NFIB: variants seen among roughly 807,000 people sequenced by gnomAD.
NFIB encodes nuclear factor 1 B-type.
In NFIB, 11 loss-of-function variants were observed where a neutral mutation model predicts 61.5. The observed-to-expected ratio is 0.18, with a 90% CI of 0.11 to 0.30. NFIB has a LOEUF of 0.30. NFIB is among the 10% of genes least tolerant of loss of function. NFIB has a pLI of 1.00. For missense variants in NFIB, 471 were observed against 608.9 expected, an observed-to-expected ratio of 0.77 and a Z score of 2.38; for synonymous variants, 260 against 216.5, an observed-to-expected ratio of 1.20 and a Z score of -1.76.
chr9:14,213,554 G>A (rs1017124309), intron 2 of NFIB, among the ~76,000 whole-genome samples: 1 of 152,200 alleles, frequency 6.6e-6, no homozygotes, highest in Non-Finnish European at 1.5e-5. Context: ...GACCAGTGCT[G>A]CTGGTCGTGG....
intron 2 of NFIB, among the ~76,000 whole-genome samples, chr9:14,303,216 C>T (rs1221616668): frequency 6.6e-6 from 1 of 152,114 alleles, no homozygotes; most frequent in Non-Finnish European, 1.5e-5. Flanking sequence ...AATTGCATAG[C>T]AAATAAGCAG....
the NFIB span, among the ~76,000 whole-genome samples, chr9:14,463,227 T>C: frequency 6.6e-6 from 1 of 151,762 alleles, no homozygotes; most frequent in East Asian, 1.9e-4. Flanking sequence ...CCTATGGTAA[T>C]AGCAAGAAAA....
At chr9:14,379,600 G>C (rs2061460513) in intron 1 of NFIB, among the ~76,000 whole-genome samples, 1 of 152,158 alleles carries the variant, frequency 6.6e-6, no homozygotes, top group Non-Finnish European at 1.5e-5. Flanking sequence ...GGCTCTGCAT[G>C]AGAGGGTTAC....
intron 2 of NFIB, among the ~76,000 whole-genome samples, chr9:14,218,012 T>A (rs1380634019): frequency 6.6e-6 from 1 of 152,176 alleles, no homozygotes; most frequent in Non-Finnish European, 1.5e-5. Context: ...GTACTTTCCA[T>A]CCCAGGCTCA....
chr9:14,487,736 A>G, the NFIB span, among the ~76,000 whole-genome samples: 2 of 152,250 alleles, frequency 1.3e-5, no homozygotes, highest in Admixed American at 1.3e-4. Flanking sequence ...AGCAGCCAGC[A>G]CCATGGCTTT....
the NFIB span, among the ~76,000 whole-genome samples, chr9:14,431,094 C>G: frequency 2.6e-5 from 4 of 152,184 alleles, no homozygotes; most frequent in Non-Finnish European, 5.9e-5. Context: ...AGAATTTTCT[C>G]TCATAACTTG....
At chr9:14,362,358 T>A (rs1338100409) in intron 1 of NFIB, 1 of 152,192 alleles carries the variant, frequency 6.6e-6, no homozygotes, top group Non-Finnish European at 1.5e-5. Flanking sequence ...CCTGCCATAG[T>A]TTTATGAACA....
At chr9:14,450,176 G>A in the NFIB span, among the ~76,000 whole-genome samples, 3 of 151,958 alleles carry the variant, frequency 2.0e-5, no homozygotes, top group Non-Finnish European at 2.9e-5. Flanking sequence ...GTGTCCATGT[G>A]TTCTCTTTGT....
At chr9:14,462,291 C>CT in the NFIB span, among the ~76,000 whole-genome samples, 394 of 147,850 alleles carry the variant, frequency 2.7e-3, 3 homozygotes, top group African/African-American at 9.4e-3. Context: ...TTTCTTTTTT[C>CT]TTTTTTTTTC....
chr9:14,154,342 C>T (rs1392274078), intron 4 of NFIB, among the ~76,000 whole-genome samples: 1 of 152,060 alleles, frequency 6.6e-6, no homozygotes, highest in Non-Finnish European at 1.5e-5. Context: ...TTTAATAAGC[C>T]TCCTAACTGG....
the NFIB span, among the ~76,000 whole-genome samples, chr9:14,412,302 G>T: frequency 1.3e-5 from 2 of 152,118 alleles, no homozygotes; most frequent in African/African-American, 4.8e-5. Flanking sequence ...AACAATTTAC[G>T]CTTTCAGAAA....
intron 5 of NFIB, among the ~76,000 whole-genome samples, chr9:14,148,454 C>G (rs1180352033): frequency 6.6e-6 from 1 of 152,038 alleles, no homozygotes; most frequent in Non-Finnish European, 1.5e-5. Flanking sequence ...TTATTCACAC[C>G]TATGCTGGTA....
intron 7 of NFIB, among the ~76,000 whole-genome samples, chr9:14,124,186 T>C (rs964164553): frequency 7.9e-5 from 12 of 152,172 alleles, no homozygotes; most frequent in Admixed American, 6.5e-4. Context: ...CCTGTTTCGT[T>C]ATATAAAAAT....
At chr9:14,131,559 A>G (rs558664907) in intron 6 of NFIB, among the ~76,000 whole-genome samples, 1 of 152,284 alleles carries the variant, frequency 6.6e-6, no homozygotes, top group Admixed American at 6.5e-5. Flanking sequence ...AGCTTGCACA[A>G]ATTGCGCTCC....
chr9:14,427,373 T>G, the NFIB span, among the ~76,000 whole-genome samples: 1 of 152,202 alleles, frequency 6.6e-6, no homozygotes, highest in Non-Finnish European at 1.5e-5. Flanking sequence ...TCAGTCCACG[T>G]GACAACCCTT....
intron 2 of NFIB, among the ~76,000 whole-genome samples, chr9:14,264,773 A>T (rs1255526653): frequency 6.6e-6 from 1 of 152,174 alleles, no homozygotes; most frequent in Non-Finnish European, 1.5e-5. Context: ...CAATCAGAGA[A>T]CGTTAAAGCC....
rs942295243 is a variant in NFIB at position 14,085,893 on chromosome 9, A to C, written c.*2416T>G. The C allele has an allele frequency of 4.4e-6, 1 of 226,194 alleles. No individual in the cohort carries two copies. The highest frequency in any genetic ancestry group is 2.2e-5 in the African/African-American group (1 of 44,956). The allele number at this position is 226,194 out of a possible 1,614,324, so 14.0% of individuals were successfully genotyped here. A position where few individuals can be genotyped will look rare whatever the true frequency, so the allele number is the denominator to read the frequency against. ...AACTCTCAAAAGTGTTAAACATCCA[A>C]CATCCCCTATGTGGACATTTCAACA... is the stretch of plus-strand genomic sequence containing the variant. On this transcript the variant is annotated 3_prime_UTR_variant, in exon 11 of 11. Transcript: ENST00000380953.
At position 14,082,742 on chromosome 9, in the gene NFIB, T is replaced by C. The variant is rs981029534; in HGVS notation, c.*5567A>G. On this transcript the variant is annotated 3_prime_UTR_variant, in exon 11 of 11. Transcript: ENST00000380953. The stretch of plus-strand genomic sequence containing the variant: ...GTCCATGCAACTTCAATGCCCTCGA[T>C]GAAGGATGCATAAAAAGCCATACTT... 1.1e-5 allele frequency: 2 copies of C among 186,254 alleles called. No homozygotes were observed. Among genetic ancestry groups the C allele is most frequent in the African/African-American group, 5.0e-5 (2 of 40,100 alleles). The allele number at this position is 186,254 out of a possible 1,614,324, so 11.5% of individuals were successfully genotyped here.
intron 2 of NFIB, among the ~76,000 whole-genome samples, chr9:14,215,137 G>C (rs1415633320): frequency 7.1e-6 from 1 of 141,806 alleles, no homozygotes; most frequent in East Asian, 1.9e-4. Context: ...TCAACAATTG[G>C]GTGCTTAGCA....
Sources: allele counts gnomAD v4.1 joint callset (sites outside exome capture counted in the v4.1 genomes callset), GRCh38; gene constraint gnomAD v4.1.1; transcripts MANE v1.5; gene names NCBI Gene and HGNC (gene_info 2026-07-23, HGNC 2026-07-21).